The following MGAT4C variants were observed in gnomAD, a reference collection of about 807,000 sequenced individuals.
MGAT4C encodes MGAT4 family member C.
Under a neutral mutation model 40.1 loss-of-function variants are expected in MGAT4C, and 19 were observed. The observed-to-expected ratio is 0.47, with a 90% CI of 0.33 to 0.70. The LOEUF (loss-of-function observed/expected upper bound fraction) is 0.70, where lower values mean the gene tolerates loss of function less well. MGAT4C is among the 30% of genes least tolerant of loss of function. The pLI is 0.02. For missense variants in MGAT4C, 491 were observed against 563.2 expected (o/e 0.87, Z 1.30); for synonymous variants, 181 against 187.1 (o/e 0.97, Z 0.27).
chr12:86,163,914 CAT>C (rs1228019495), intron 1 of MGAT4C, among the ~76,000 whole-genome samples: 2 of 151,960 alleles, frequency 1.3e-5, no homozygotes, highest in African/African-American at 2.4e-5. Flanking sequence ...TTGTAAAAGA[CAT>C]ATATGCACAT....
At chr12:86,362,160 A>C (rs2136202785) in intron 3 of MGAT4C, among the ~76,000 whole-genome samples, 1 of 152,364 alleles carries the variant, frequency 6.6e-6, no homozygotes, top group South Asian at 2.1e-4. Flanking sequence ...GCAGCCATAA[A>C]AACGGATGAG....
intron 2 of MGAT4C, among the ~76,000 whole-genome samples, chr12:86,047,334 G>C (rs1163280906): frequency 6.6e-6 from 1 of 152,020 alleles, no homozygotes; most frequent in Admixed American, 6.6e-5. Flanking sequence ...TATCTAACCA[G>C]AGTAAAGTTA....
At chr12:86,004,671 T>C (rs1887690091) in intron 2 of MGAT4C, among the ~76,000 whole-genome samples, 1 of 152,182 alleles carries the variant, frequency 6.6e-6, no homozygotes, top group Admixed American at 6.5e-5. Context: ...AATAATGAAG[T>C]GAAGAAGAGT....
intron 2 of MGAT4C, among the ~76,000 whole-genome samples, chr12:86,644,548 A>G (rs1593074427): frequency 2.0e-5 from 3 of 151,782 alleles, no homozygotes; most frequent in Admixed American, 6.6e-5. Context: ...TACTAAAAAT[A>G]GACATATACA....
At chr12:86,023,573 G>A (rs970263051) in intron 2 of MGAT4C, among the ~76,000 whole-genome samples, 15 of 148,188 alleles carry the variant, frequency 1.0e-4, no homozygotes, top group East Asian at 3.9e-4. Flanking sequence ...GTAGAATCAC[G>A]AAATATATTA....
At chr12:86,249,465 G>T (rs1350818028) in intron 1 of MGAT4C, among the ~76,000 whole-genome samples, 3 of 152,136 alleles carry the variant, frequency 2.0e-5, no homozygotes, top group Non-Finnish European at 4.4e-5. Flanking sequence ...AAATAATCCT[G>T]CTTCTTACCT....
intron 1 of MGAT4C, among the ~76,000 whole-genome samples, chr12:86,768,587 T>C (rs1011725302): frequency 9.2e-4 from 139 of 151,526 alleles, no homozygotes; most frequent in African/African-American, 3.0e-3. Context: ...AGAACAAAGC[T>C]GGAGGCATCA....
In MGAT4C at chr12:85,967,687, A is replaced by G. The variant is rs1883430615; in HGVS notation, c.*11602T>C. On this transcript the variant is annotated 3_prime_UTR_variant, in exon 5 of 5. Transcript: ENST00000611864. ...AATGTATTCATTGATCTCATAAAGA[A>G]TAGATGATCAGATTTTTTAAAAGTG... 1 of 152,128 alleles carries G rather than the reference A, an allele frequency of 6.6e-6. No homozygotes were observed. The allele number at this position is 152,128 out of a possible 1,614,324, so 9.4% of individuals were successfully genotyped here.
At chr12:86,609,708 C>T (rs1207411639) in intron 2 of MGAT4C, among the ~76,000 whole-genome samples, 1 of 151,368 alleles carries the variant, frequency 6.6e-6, no homozygotes, top group Non-Finnish European at 1.5e-5. Context: ...CGTGGAGGCC[C>T]TCAAACCCTA....
chr12:86,278,034 T>C (rs1953120461), intron 4 of MGAT4C, among the ~76,000 whole-genome samples: 1 of 152,186 alleles, frequency 6.6e-6, no homozygotes, highest in African/African-American at 2.4e-5. Flanking sequence ...ACATGAAATA[T>C]ATTTCCACTT....
chr12:86,729,460 G>A (rs1178494686), intron 1 of MGAT4C, among the ~76,000 whole-genome samples: 1 of 152,024 alleles, frequency 6.6e-6, no homozygotes, highest in African/African-American at 2.4e-5. Flanking sequence ...ATTTGATTCT[G>A]AATAGAATAG....
chr12:86,032,534 A>G (rs906743163), intron 2 of MGAT4C, among the ~76,000 whole-genome samples: 10 of 149,540 alleles, frequency 6.7e-5, no homozygotes, highest in Admixed American at 3.4e-4. Context: ...GCATTTTTTC[A>G]TATGTTTGTT....
intron 1 of MGAT4C, among the ~76,000 whole-genome samples, chr12:86,058,847 C>T (rs763559318): frequency 4.6e-5 from 7 of 151,800 alleles, no homozygotes; most frequent in Non-Finnish European, 1.0e-4. Context: ...TTTTTCAAGA[C>T]ATTTGAAATT....
At chr12:86,731,868 G>GT (rs545554317) in intron 1 of MGAT4C, among the ~76,000 whole-genome samples, 2 of 152,036 alleles carry the variant, frequency 1.3e-5, no homozygotes, top group African/African-American at 2.4e-5. Context: ...CATAAAGGCT[G>GT]TTTTTTAGCT....
At chr12:86,682,747 C>A (rs1394999596) in intron 2 of MGAT4C, among the ~76,000 whole-genome samples, 8 of 151,944 alleles carry the variant, frequency 5.3e-5, no homozygotes, top group African/African-American at 9.7e-5. Flanking sequence ...GATTCCACAG[C>A]CCATGGCCTT....
chr12:86,717,450 T>C (rs984732768), intron 2 of MGAT4C, among the ~76,000 whole-genome samples: 1 of 152,146 alleles, frequency 6.6e-6, no homozygotes, highest in Non-Finnish European at 1.5e-5. Flanking sequence ...CCTTTCTGAA[T>C]TGTAGGTTGC....
chr12:86,231,146 T>C (rs558406483), intron 1 of MGAT4C, among the ~76,000 whole-genome samples: 1 of 152,322 alleles, frequency 6.6e-6, no homozygotes, highest in South Asian at 2.1e-4. Flanking sequence ...TAAATCAGAT[T>C]TTTCTGACTA....
chr12:86,540,606 C>T (rs184236847), intron 2 of MGAT4C, among the ~76,000 whole-genome samples: 80 of 152,098 alleles, frequency 5.3e-4, no homozygotes, highest in African/African-American at 1.8e-3. Flanking sequence ...CGTGGTGGCA[C>T]GAGCCTGTAG....
At chr12:86,471,141 T>A (rs1387534571) in intron 2 of MGAT4C, among the ~76,000 whole-genome samples, 1 of 151,954 alleles carries the variant, frequency 6.6e-6, no homozygotes, top group African/African-American at 2.4e-5. Flanking sequence ...TAGAGGGAAA[T>A]AACTAACACC....
Sources: allele counts gnomAD v4.1 joint callset (sites outside exome capture counted in the v4.1 genomes callset), GRCh38; gene constraint gnomAD v4.1.1; transcripts MANE v1.5; gene names NCBI Gene and HGNC (gene_info 2026-07-23, HGNC 2026-07-21).